The following BCAS3 variants were observed in gnomAD, a reference collection of about 807,000 sequenced individuals.
BCAS3 encodes the protein BCAS4/BCAS3 fusion.
A neutral mutation model predicts 116.1 loss-of-function variants in BCAS3; 53 were observed. The observed-to-expected ratio is 0.46, with a 90% CI of 0.37 to 0.57. The LOEUF (loss-of-function observed/expected upper bound fraction) is 0.57. Among genes scored for constraint, BCAS3 ranks in the 20% least tolerant of loss-of-function variants. BCAS3 has a pLI of 0.00. For missense variants in BCAS3, 917 were observed against 1,165.4 expected, an observed-to-expected ratio of 0.79 and a Z score of 3.10; for synonymous variants, 391 against 408.2, an observed-to-expected ratio of 0.96 and a Z score of 0.51.
chr17:61,000,973 C>A (rs954868783), intron 15 of BCAS3, among the ~76,000 whole-genome samples: 1 of 152,114 alleles, frequency 6.6e-6, no homozygotes, highest in Non-Finnish European at 1.5e-5. Context: ...ATATAGAGTT[C>A]ACTGTGTCAT....
intron 14 of BCAS3, among the ~76,000 whole-genome samples, chr17:60,983,577 A>G (rs1280345813): frequency 6.6e-6 from 1 of 152,158 alleles, no homozygotes. Context: ...GCAGTTTTCT[A>G]AAAAAGCATT....
intron 22 of BCAS3, among the ~76,000 whole-genome samples, chr17:61,120,541 T>C (rs2075732421): frequency 1.3e-5 from 2 of 152,180 alleles, no homozygotes; most frequent in Admixed American, 6.5e-5. Context: ...TATGCAGATA[T>C]AGAGTGAATA....
intron 19 of BCAS3, 89 bp downstream of exon 19, chr17:61,040,981 G>T (rs1020724259): frequency 2.8e-6 from 3 of 1,083,588 alleles, no homozygotes; most frequent in South Asian, 1.3e-5. Context: ...CATTACCACT[G>T]GTCCATAGGC....
rs1601353683 is a variant in BCAS3 at position 61,114,684 on chromosome 17, A to G, written c.2425+30120A>G. Among the ~76,000 whole-genome samples, 30 of 152,288 alleles carry G rather than the reference A, an allele frequency of 2.0e-4. 1 individual carries two copies. In the South Asian group the frequency reaches 6.0e-3, roughly 31 times the overall value. On this transcript the variant is annotated intron_variant, in intron 22 of 23. Coordinates refer to ENST00000407086, the MANE Select transcript of BCAS3 (RefSeq NM_017679.5). ...ACTGCCCAAGGTAATTTACAGATTCAATGCTATCCCCATAAAGCTACCAAT... is the reference window on the plus strand; with the variant it reads ...ACTGCCCAAGGTAATTTACAGATTCGATGCTATCCCCATAAAGCTACCAAT...
intron 6 of BCAS3, among the ~76,000 whole-genome samples, chr17:60,761,673 C>T (rs1226513683): frequency 6.6e-6 from 1 of 152,090 alleles, no homozygotes; most frequent in Non-Finnish European, 1.5e-5. Flanking sequence ...CATACGTGTG[C>T]ATGTGTCTTT....
At chr17:60,719,827 TTTG>T (rs1412979151) in intron 5 of BCAS3, among the ~76,000 whole-genome samples, 1 of 152,136 alleles carries the variant, frequency 6.6e-6, no homozygotes, top group East Asian at 1.9e-4. Context: ...CTGAACTAAG[TTTG>T]TTGTTGTGAG....
rs1185182560 is a variant in BCAS3 at position 61,180,791 on chromosome 17, G to C, written c.2425+96227G>C. Among the ~76,000 whole-genome samples, 1 of 152,218 alleles carries C rather than the reference G, an allele frequency of 6.6e-6. No homozygotes were observed. Among genetic ancestry groups the C allele is most frequent in the African/African-American group, 2.4e-5 (1 of 41,458 alleles). On this transcript the variant is annotated intron_variant, in intron 22 of 23. Coordinates refer to ENST00000407086, the MANE Select transcript of BCAS3 (RefSeq NM_017679.5). The surrounding 1 kb of genome is among the most constrained non-coding windows in gnomAD (Gnocchi z 6.0). The stretch of plus-strand genomic sequence containing the variant: ...AAGTTATCCTAGCCATGTAGCACTT[G>C]AAATGAGGGGGAAATAAGACAACCA...
chr17:60,984,236 G>A (rs1435020791), intron 14 of BCAS3, among the ~76,000 whole-genome samples: 1 of 152,166 alleles, frequency 6.6e-6, no homozygotes, highest in Non-Finnish European at 1.5e-5. Flanking sequence ...GAAGTATCTT[G>A]TCTTGATACA....
At chr17:61,320,109 C>A (rs879898071) in intron 22 of BCAS3, among the ~76,000 whole-genome samples, 6 of 151,662 alleles carry the variant, frequency 4.0e-5, no homozygotes, top group African/African-American at 1.5e-4. Context: ...AGGCTGGTCT[C>A]GAAGTCCTGC....
rs2048108676 is a variant in BCAS3 at position 61,248,014 on chromosome 17, G to C, written c.2426-120313G>C. 6.6e-6 allele frequency among the ~76,000 whole-genome samples: 1 copy of C among 152,216 alleles called. No individual in the cohort carries two copies. The highest frequency in any genetic ancestry group is 2.4e-5 in the African/African-American group (1 of 41,454). On this transcript the variant is annotated intron_variant, in intron 22 of 23. Coordinates refer to ENST00000407086, the MANE Select transcript of BCAS3 (RefSeq NM_017679.5). The surrounding 1 kb of genome is among the most constrained non-coding windows in gnomAD (Gnocchi z 4.3). ...CCTACCAGTTGTGGGTTTACAAAAA[G>C]GAGTTGGGGTACTTTGTTGGGATGT...
intron 13 of BCAS3, among the ~76,000 whole-genome samples, chr17:60,946,557 A>G (rs1340477174): frequency 1.3e-5 from 2 of 152,174 alleles, no homozygotes; most frequent in African/African-American, 4.8e-5. Flanking sequence ...TAAAGCTTGA[A>G]GAAATTGCAA....
intron 7 of BCAS3, among the ~76,000 whole-genome samples, chr17:60,841,359 A>T (rs926625764): frequency 4.0e-5 from 6 of 151,672 alleles, no homozygotes; most frequent in Admixed American, 1.3e-4. Context: ...AGCATATTAG[A>T]ACAACATTTA....
intron 22 of BCAS3, among the ~76,000 whole-genome samples, chr17:61,298,858 T>A (rs2053181679): frequency 6.6e-6 from 1 of 151,764 alleles, no homozygotes; most frequent in Admixed American, 6.6e-5. Flanking sequence ...AGTCTTGCCC[T>A]GTCGCCTAGG....
chr17:60,727,251 A>G (rs2039977411), intron 5 of BCAS3: 2 of 1,008,582 alleles, frequency 2.0e-6, no homozygotes, highest in South Asian at 2.5e-5. Flanking sequence ...ATCCTCTTGG[A>G]TCTGCAGTTA....
At chr17:60,922,277 C>T (rs1026072588) in intron 12 of BCAS3, among the ~76,000 whole-genome samples, 1 of 152,098 alleles carries the variant, frequency 6.6e-6, no homozygotes, top group African/African-American at 2.4e-5. Flanking sequence ...CAGGCACGCG[C>T]CACCATGTCC....
rs8077523 is a variant in BCAS3, at chr17:61,224,684, C to G, written c.2425+140120C>G. The stretch of plus-strand genomic sequence containing the variant: ...CTCGGGCACATTCCTCATCATCTCT[C>G]TACTTCAGTTTCTTGGTCCGTGAAA... On this transcript the variant is annotated intron_variant, in intron 22 of 23. Transcript: ENST00000407086. The surrounding 1 kb of genome is among the most constrained non-coding windows in gnomAD (Gnocchi z 5.7). Among the ~76,000 whole-genome samples the G allele has an allele frequency of 0.074, 11,258 of 152,290 alleles. 538 individuals are homozygous for G. Among genetic ancestry groups the G allele is most frequent in the African/African-American group, 0.13 (5,477 of 41,542 alleles).
chr17:61,079,156 C>T (rs2072310537), intron 21 of BCAS3, among the ~76,000 whole-genome samples: 2 of 151,742 alleles, frequency 1.3e-5, no homozygotes, highest in African/African-American at 4.8e-5. Flanking sequence ...CAAGACTTGA[C>T]ACATTAGGGT....
At position 61,078,389 on chromosome 17, in the gene BCAS3, C is replaced by A; in HGVS notation, c.2187C>A (p.Phe729Leu). ...GACGTCTGTGGATGGGTCCACAGTT[C>A]CAGTTCAAAACCATCCATCCCTCAG... ...PHRRLWMGPQFQFKTIHPSGQ... is the reference protein window; with the variant it reads ...PHRRLWMGPQLQFKTIHPSGQ... Residue 729 changes from phenylalanine to leucine, a missense_variant, in exon 21 of 24, where the codon TTC becomes TTA. Physicochemically the swap from Phe to Leu is conservative, Grantham distance 22. Coordinates refer to ENST00000407086, the MANE Select transcript of BCAS3 (RefSeq NM_017679.5). 6.2e-7 allele frequency: 1 copy of A among 1,614,112 alleles called. No individual in the cohort carries two copies. The highest frequency in any genetic ancestry group is 1.3e-5 in the African/African-American group (1 of 75,038).
At chr17:60,724,554 G>T (rs959463526) in intron 5 of BCAS3, among the ~76,000 whole-genome samples, 7 of 151,220 alleles carry the variant, frequency 4.6e-5, no homozygotes, top group Non-Finnish European at 1.0e-4. Flanking sequence ...GTGAAACCCC[G>T]TCTCTACTAA....
Sources: gnomAD v4.1 joint callset for allele counts (sites outside exome capture counted in the v4.1 genomes callset) on GRCh38, gnomAD v4.1.1 for gene constraint, Gnocchi (gnomAD v3.1) non-coding constraint, MANE v1.5 for transcripts, NCBI Gene and HGNC (gene_info 2026-07-23, HGNC 2026-07-21) for gene names.